The following TBC1D8 variants were observed in gnomAD, a reference collection of about 807,000 sequenced individuals.
TBC1D8 encodes the protein TBC1 domain family member 8, also known as BUB2-like protein 1.
In TBC1D8, 65 loss-of-function variants were observed where a neutral mutation model predicts 118.8. The observed-to-expected ratio is 0.55, with a 90% CI of 0.45 to 0.67. TBC1D8 has a LOEUF of 0.67. Ranked by LOEUF, TBC1D8 falls within the 30% of genes least tolerant of loss-of-function variation. The pLI, the probability that TBC1D8 is intolerant of heterozygous loss-of-function variation, is 0.00. For missense variants in TBC1D8, 1,376 were observed against 1,471.2 expected, an observed-to-expected ratio of 0.94 and a Z score of 1.06; for synonymous variants, 566 against 595.8, an observed-to-expected ratio of 0.95 and a Z score of 0.73.
chr2:101,125,777 T>C (rs947147053), intron 1 of TBC1D8, among the ~76,000 whole-genome samples: 1 of 152,210 alleles, frequency 6.6e-6, no homozygotes, highest in African/African-American at 2.4e-5. Context: ...ACCATTACCT[T>C]TCCTTAATGC....
intron 1 of TBC1D8, among the ~76,000 whole-genome samples, chr2:101,140,116 T>C (rs1679036267): frequency 6.6e-6 from 1 of 152,194 alleles, no homozygotes; most frequent in South Asian, 2.1e-4. Context: ...TTTTATGCAA[T>C]CGTTGCTACT....
At chr2:101,053,014 G>A (rs1682167980) in intron 4 of TBC1D8, among the ~76,000 whole-genome samples, 1 of 152,206 alleles carries the variant, frequency 6.6e-6, no homozygotes, top group African/African-American at 2.4e-5. Flanking sequence ...TGCATTGAAG[G>A]AGCTTGTTCA....
At chr2:101,096,209 C>A (rs1182610288) in intron 1 of TBC1D8, among the ~76,000 whole-genome samples, 1 of 152,038 alleles carries the variant, frequency 6.6e-6, no homozygotes, top group East Asian at 1.9e-4. Context: ...CAGGCGTGAG[C>A]CACAGTGCTC....
chr2:101,129,892 G>A (rs1039373750), intron 1 of TBC1D8, among the ~76,000 whole-genome samples: 1 of 149,162 alleles, frequency 6.7e-6, no homozygotes, highest in Non-Finnish European at 1.5e-5. Context: ...GCAACAGGGC[G>A]AGACTCTGTC....
rs1338075065 is a variant in TBC1D8 at position 101,131,985 on chromosome 2, A to T, written c.127+19142T>A. ...TACATCTTGTTAACACAGACTAAAA[A>T]TACTTCAATCAAAGTAGACGGGTGC... is the stretch of plus-strand genomic sequence containing the variant. On this transcript the variant is annotated intron_variant, in intron 1 of 19. Coordinates refer to ENST00000409318, the MANE Select transcript of TBC1D8 (RefSeq NM_001330348.2). Among the ~76,000 whole-genome samples the T allele has an allele frequency of 2.0e-5, 3 of 152,196 alleles. No individual in the cohort carries two copies. The East Asian group carries it at 5.8e-4, about 29-fold the overall frequency.
intron 15 of TBC1D8, 117 bp from the exon 16 acceptor site, chr2:101,022,638 A>C: frequency 7.1e-7 from 1 of 1,406,768 alleles, no homozygotes; most frequent in Non-Finnish European, 9.3e-7. Flanking sequence ...TGGATACGTA[A>C]AAGTGTTCCC....
At chr2:101,013,460 A>G (rs1462564231) in intron 17 of TBC1D8, among the ~76,000 whole-genome samples, 1 of 152,194 alleles carries the variant, frequency 6.6e-6, no homozygotes, top group Non-Finnish European at 1.5e-5. Flanking sequence ...ATTGACAGAC[A>G]ATTTCTATTA....
rs185825623 is a variant in TBC1D8 at position 101,069,361 on chromosome 2, C to G, written c.284-9822G>C. On this transcript the variant is annotated intron_variant, in intron 2 of 19. Coordinates refer to ENST00000409318, the MANE Select transcript of TBC1D8 (RefSeq NM_001330348.2). ...CAGCACTTTGGGAGGCTGAGGTGGG[C>G]GGATCACCTAAGGTTGGGAGTTTGA... Among the ~76,000 whole-genome samples, 872 of 150,532 alleles carry G rather than the reference C, an allele frequency of 5.8e-3. 11 individuals are homozygous for G. The highest frequency in any genetic ancestry group is 0.02 in the African/African-American group (811 of 41,078).
intron 17 of TBC1D8, among the ~76,000 whole-genome samples, chr2:101,014,450 G>C (rs116258953): frequency 7.1e-4 from 108 of 152,250 alleles, no homozygotes; most frequent in African/African-American, 2.6e-3. Flanking sequence ...TTTGTGCCCT[G>C]TGAGATGCTG....
intron 2 of TBC1D8, among the ~76,000 whole-genome samples, chr2:101,085,427 G>C (rs751671324): frequency 3.3e-5 from 5 of 152,056 alleles, no homozygotes; most frequent in Non-Finnish European, 7.4e-5. Flanking sequence ...CTCCAAATCT[G>C]CAAGAAATGT....
In TBC1D8 at chr2:101,010,986, AAT is replaced by A; in HGVS notation, c.2956_2957del (p.Ile986Ter). 6.2e-7 allele frequency: 1 copy of A among 1,613,164 alleles called. No individual in the cohort carries two copies. Among genetic ancestry groups the A allele is most frequent in the East Asian group, 2.2e-5 (1 of 44,882 alleles). On this transcript the variant is annotated frameshift_variant, in exon 19 of 20. Transcript: ENST00000409318. LOFTEE classifies it high-confidence loss of function. ...VDYQKQLKQM[I>X]KDLAKEKDKT... is the part of the protein sequence containing the mutation. ...TATCTTTTTCTTTGGCTAAATCCTTAATCATCTGCTTCAGCTGTTTCTGATAA... is the reference window on the plus strand; with the variant it reads ...TATCTTTTTCTTTGGCTAAATCCTTACATCTGCTTCAGCTGTTTCTGATAA...
At chr2:101,076,731 T>C (rs1674846751) in intron 2 of TBC1D8, among the ~76,000 whole-genome samples, 1 of 152,190 alleles carries the variant, frequency 6.6e-6, no homozygotes, top group Non-Finnish European at 1.5e-5. Flanking sequence ...ATGAAAGAGA[T>C]CTGCTCTAAC....
chr2:101,045,909 C>T (rs1471583480), intron 5 of TBC1D8, among the ~76,000 whole-genome samples: 2 of 152,180 alleles, frequency 1.3e-5, no homozygotes, highest in Non-Finnish European at 2.9e-5. Context: ...AGGAGAATCT[C>T]TTGAACCCAG....
chr2:101,062,305 G>GA (rs372972020), intron 2 of TBC1D8, among the ~76,000 whole-genome samples: 282 of 139,706 alleles, frequency 2.0e-3, no homozygotes, highest in South Asian at 3.6e-3. Flanking sequence ...TCAGAATAAA[G>GA]AAAAAAAAAA....
At chr2:101,064,233 G>A (rs1231616590) in intron 2 of TBC1D8, among the ~76,000 whole-genome samples, 1 of 152,180 alleles carries the variant, frequency 6.6e-6, no homozygotes, top group Non-Finnish European at 1.5e-5. Flanking sequence ...CTTATAAGAA[G>A]AGACACCGGG....
chr2:101,120,083 TCCA>T (rs1297308933), intron 1 of TBC1D8, among the ~76,000 whole-genome samples: 3 of 152,192 alleles, frequency 2.0e-5, no homozygotes, highest in East Asian at 3.9e-4. Context: ...GGTCCCTGAC[TCCA>T]CCACCACCAA....
At chr2:101,086,192 G>A (rs995391843) in intron 2 of TBC1D8, among the ~76,000 whole-genome samples, 2 of 149,926 alleles carry the variant, frequency 1.3e-5, no homozygotes, top group African/African-American at 4.9e-5. Flanking sequence ...GTTAAAAGCA[G>A]CAAGGTATAG....
rs1680431197 is a variant in TBC1D8, at chr2:101,027,899, C to T, written c.2451+149G>A. 3.7e-5 allele frequency: 26 copies of T among 703,878 alleles called. 1 individual carries two copies. The South Asian group carries it at 4.2e-4, about 11-fold the overall frequency. The allele number at this position is 703,878 out of a possible 1,614,324, so 43.6% of individuals were successfully genotyped here. ...CCTGGCTCCAAAGCTCACATTGTTT[C>T]TACACTACTTCACCCTTAAGTTGTT... On this transcript the variant is annotated intron_variant, in intron 14 of 19. Transcript: ENST00000409318.
chr2:101,081,286 C>T (rs1675244612), intron 2 of TBC1D8, among the ~76,000 whole-genome samples: 1 of 152,206 alleles, frequency 6.6e-6, no homozygotes, highest in South Asian at 2.1e-4. Context: ...GGCACCCCTG[C>T]ACCCCACAAT....
Sources: allele counts gnomAD v4.1 joint callset (sites outside exome capture counted in the v4.1 genomes callset), GRCh38; gene constraint gnomAD v4.1.1; transcripts MANE v1.5; gene names NCBI Gene and HGNC (gene_info 2026-07-23, HGNC 2026-07-21).